The following KCNQ5 variants were observed in gnomAD, a reference collection of about 807,000 sequenced individuals.
KCNQ5 encodes the protein potassium voltage-gated channel subfamily Q member 5, also known as potassium voltage-gated channel subfamily KQT member 5.
Under a neutral mutation model 98.2 loss-of-function variants are expected in KCNQ5, and 30 were observed. That is an observed-to-expected ratio of 0.31 (90% confidence interval 0.23 to 0.41). KCNQ5 has a LOEUF of 0.41. Ranked by LOEUF, KCNQ5 falls within the 10% of genes least tolerant of loss-of-function variation. The pLI is 1.00. For missense variants in KCNQ5, 835 were observed against 1,182.5 expected, an observed-to-expected ratio of 0.71 and a Z score of 4.31; for synonymous variants, 458 against 449.4, an observed-to-expected ratio of 1.02 and a Z score of -0.24.
chr6:73,048,464 C>T (rs546855050), intron 3 of KCNQ5, among the ~76,000 whole-genome samples: 1 of 152,304 alleles, frequency 6.6e-6, no homozygotes, highest in East Asian at 1.9e-4. Context: ...GCCATGTAGC[C>T]TCTGCTACCC....
At chr6:73,154,904 A>G (rs117941908) in intron 10 of KCNQ5, among the ~76,000 whole-genome samples, 3,253 of 152,324 alleles carry the variant, frequency 0.021, 60 homozygotes, top group South Asian at 0.056. Context: ...AAACAAAAAA[A>G]TTAACCATAG....
At chr6:73,172,386 G>C (rs1204251766) in intron 11 of KCNQ5, among the ~76,000 whole-genome samples, 2 of 149,520 alleles carry the variant, frequency 1.3e-5, no homozygotes, top group East Asian at 3.8e-4. Context: ...AAAATAAAGA[G>C]AATACAATTA....
At chr6:72,966,825 G>C (rs966897650) in intron 1 of KCNQ5, among the ~76,000 whole-genome samples, 4 of 152,124 alleles carry the variant, frequency 2.6e-5, no homozygotes, top group Non-Finnish European at 5.9e-5. Flanking sequence ...CTTCCTCTGT[G>C]ACTCAATAAC....
At chr6:72,889,670 T>C (rs751616579) in intron 1 of KCNQ5, among the ~76,000 whole-genome samples, 4 of 152,168 alleles carry the variant, frequency 2.6e-5, no homozygotes, top group Non-Finnish European at 5.9e-5. Flanking sequence ...CAGAAATATT[T>C]TAGTCAATTA....
chr6:72,987,166 C>G, intron 1 of KCNQ5: 1 of 670,372 alleles, frequency 1.5e-6, no homozygotes, highest in Non-Finnish European at 2.8e-6. Context: ...AAGATGAAGT[C>G]CAAGAAGGTA....
chr6:72,938,227 A>G (rs1332297130), intron 1 of KCNQ5, among the ~76,000 whole-genome samples: 1 of 152,196 alleles, frequency 6.6e-6, no homozygotes, highest in Non-Finnish European at 1.5e-5. Flanking sequence ...GGACAAAAAA[A>G]TAGATTCATG....
At chr6:72,636,887 A>G (rs1209366444) in intron 1 of KCNQ5, among the ~76,000 whole-genome samples, 2 of 152,150 alleles carry the variant, frequency 1.3e-5, no homozygotes, top group African/African-American at 4.8e-5. Flanking sequence ...CTCCTTTTGA[A>G]GGGATTTACA....
intron 9 of KCNQ5, chr6:73,125,414 C>G: frequency 1.9e-6 from 1 of 518,164 alleles, no homozygotes; most frequent in South Asian, 1.4e-5. Flanking sequence ...AGAGGCAGAA[C>G]CAGCAAGGAG....
At chr6:72,967,970 C>A (rs747442342) in intron 1 of KCNQ5, among the ~76,000 whole-genome samples, 2 of 152,164 alleles carry the variant, frequency 1.3e-5, no homozygotes, top group East Asian at 1.9e-4. Context: ...CTTACTCTGA[C>A]CTTCCTTCTT....
intron 1 of KCNQ5, among the ~76,000 whole-genome samples, chr6:72,782,243 CCTCTCTCT>C (rs141220546): frequency 2.7e-5 from 4 of 147,664 alleles, no homozygotes; most frequent in Admixed American, 1.4e-4. Flanking sequence ...TCTTATGCAC[CCTCTCTCT>C]CTCTCTCTCT....
chr6:73,034,596 C>T (rs1771305347), intron 2 of KCNQ5, among the ~76,000 whole-genome samples: 1 of 152,062 alleles, frequency 6.6e-6, no homozygotes, highest in Admixed American at 6.5e-5. Flanking sequence ...TGAATTTGTA[C>T]CCAAAAAATC....
At chr6:72,672,273 A>G (rs1582090265) in intron 1 of KCNQ5, among the ~76,000 whole-genome samples, 1 of 151,344 alleles carries the variant, frequency 6.6e-6, no homozygotes, top group South Asian at 2.1e-4. Flanking sequence ...AATTTTTGTA[A>G]TTTTTGTAGA....
chr6:72,704,287 A>G (rs1768964925), intron 1 of KCNQ5, among the ~76,000 whole-genome samples: 1 of 152,086 alleles, frequency 6.6e-6, no homozygotes, highest in Non-Finnish European at 1.5e-5. Flanking sequence ...ATTTTTGAAA[A>G]TTATTTTCTA....
chr6:72,638,406 G>A (rs1246804964), intron 1 of KCNQ5, among the ~76,000 whole-genome samples: 1 of 152,114 alleles, frequency 6.6e-6, no homozygotes, highest in African/African-American at 2.4e-5. Flanking sequence ...GAGCTAGTGG[G>A]TATGGAGTTT....
At chr6:73,026,913 C>T (rs1392196333) in intron 2 of KCNQ5, among the ~76,000 whole-genome samples, 1 of 152,000 alleles carries the variant, frequency 6.6e-6, no homozygotes, top group African/African-American at 2.4e-5. Context: ...AAATGGCAGA[C>T]CCCTCCATGC....
chr6:73,157,726 T>C (rs1777424525), intron 10 of KCNQ5: 7 of 777,250 alleles, frequency 9.0e-6, no homozygotes, highest in Admixed American at 5.1e-5. Context: ...CATCAGGTCA[T>C]AGGGGTCCCG....
intron 1 of KCNQ5, among the ~76,000 whole-genome samples, chr6:72,673,060 G>A (rs570066123): frequency 1.3e-5 from 2 of 152,300 alleles, no homozygotes; most frequent in African/African-American, 4.8e-5. Context: ...CCAGTAGTGA[G>A]GTTACTACAA....
intron 1 of KCNQ5, among the ~76,000 whole-genome samples, chr6:72,798,171 T>C (rs967651469): frequency 1.2e-4 from 19 of 152,340 alleles, no homozygotes; most frequent in African/African-American, 4.3e-4. Context: ...ATATACTTCA[T>C]ATTAGTAACA....
intron 1 of KCNQ5, among the ~76,000 whole-genome samples, chr6:72,937,065 A>G (rs939667337): frequency 2.0e-5 from 3 of 152,258 alleles, no homozygotes; most frequent in Non-Finnish European, 4.4e-5. Flanking sequence ...AAAAACAACT[A>G]TTCATATTGA....
Sources: allele counts gnomAD v4.1 joint callset (sites outside exome capture counted in the v4.1 genomes callset), GRCh38; gene constraint gnomAD v4.1.1; transcripts MANE v1.5; gene names NCBI Gene and HGNC (gene_info 2026-07-23, HGNC 2026-07-21).